The following ADGRG7 variants were observed in gnomAD, a reference collection of about 807,000 sequenced individuals.
ADGRG7 encodes the protein G-protein coupled receptor 128.
Under a neutral mutation model 88.6 loss-of-function variants are expected in ADGRG7, and 82 were observed. The observed-to-expected ratio is 0.93, with a 90% CI of 0.77 to 1.11. The LOEUF is 1.11. Ranked by LOEUF, ADGRG7 falls within the 50% of genes most tolerant of loss-of-function variation. The pLI is 0.00. For synonymous variants in ADGRG7, 381 were observed against 345.2 expected, an observed-to-expected ratio of 1.10 and a Z score of -1.15; for missense variants, 945 against 953.4, an observed-to-expected ratio of 0.99 and a Z score of 0.12.
At position 100,657,951 on chromosome 3, in the gene ADGRG7, G is replaced by A. The variant is rs112058326; in HGVS notation, c.1824-1737G>A. ...ATCCTTTCACGTGTATAATAATGGTGTTTTACAAAACTCCAGGGGAAAGAA... is the reference window on the plus strand; with the variant it reads ...ATCCTTTCACGTGTATAATAATGGTATTTTACAAAACTCCAGGGGAAAGAA... On this transcript the variant is annotated intron_variant, in intron 13 of 15. Transcript: ENST00000273352. Among the ~76,000 whole-genome samples, 1,308 of 152,262 alleles carry A rather than the reference G, an allele frequency of 8.6e-3. 14 individuals are homozygous for A. Among genetic ancestry groups the A allele is most frequent in the African/African-American group, 0.019 (779 of 41,536 alleles).
rs372820424 is a variant in ADGRG7, at chr3:100,646,612, A to G, written c.1154A>G (p.Tyr385Cys). Residue 385 changes from tyrosine (Y) to cysteine (C), a missense_variant, in exon 10 of 16, where the codon TAT becomes TGT. Coordinates refer to ENST00000273352, the MANE Select transcript of ADGRG7 (RefSeq NM_032787.3). ...EFQLYSYACV[Y>C]WNLSAKDWDT... Reference sequence around the variant, plus strand: ...CAACTCTATTCCTATGCCTGTGTCTATTGGAATTTGTCAGCGAAGGACTGG... The same window carrying G: ...CAACTCTATTCCTATGCCTGTGTCTGTTGGAATTTGTCAGCGAAGGACTGG... 23 of 1,613,944 alleles carry G rather than the reference A, an allele frequency of 1.4e-5. No individual in the cohort carries two copies. Among genetic ancestry groups the G allele is most frequent in the Non-Finnish European group, 1.9e-5 (23 of 1,179,934 alleles).
In ADGRG7 at chr3:100,646,598, C is replaced by T. The variant is rs1396511585; in HGVS notation, c.1140C>T (p.Ser380=). 25 of 1,613,730 alleles carry T rather than the reference C, an allele frequency of 1.5e-5. No individual in the cohort carries two copies. Among genetic ancestry groups the T allele is most frequent in the Non-Finnish European group, 2.1e-5 (25 of 1,179,806 alleles). Reference sequence around the variant, plus strand: ...ACCAAAAAGAATTTCAACTCTATTCCTATGCCTGTGTCTATTGGAATTTGT... The same window carrying T: ...ACCAAAAAGAATTTCAACTCTATTCTTATGCCTGTGTCTATTGGAATTTGT... ...KYNQKEFQLY[S]YACVYWNLSA... is the part of the protein sequence containing the mutation. The change falls in exon 10 of 16, where the codon TCC becomes TCT. Residue 380 remains serine (S), a synonymous_variant. Transcript: ENST00000273352.
chr3:100,630,630 G>T, intron 2 of ADGRG7, 75 bp from the exon 3 acceptor site: 2 of 619,706 alleles, frequency 3.2e-6, no homozygotes, highest in South Asian at 1.2e-4. Flanking sequence ...CATAGGTTCT[G>T]ACCTTTGACT....
chr3:100,644,885 G>A lies in ADGRG7; in HGVS notation c.947-1060G>A, dbSNP rs1224764773. Among the ~76,000 whole-genome samples, 8 of 152,040 alleles carry A rather than the reference G, an allele frequency of 5.3e-5. No individual in the cohort carries two copies. The East Asian group carries it at 1.5e-3, about 29-fold the overall frequency. On this transcript the variant is annotated intron_variant, in intron 8 of 15. Coordinates refer to ENST00000273352, the MANE Select transcript of ADGRG7 (RefSeq NM_032787.3). Reference sequence around the variant, plus strand: ...AAAGAAACCTTGCTCCATTATTAGGGTTAACTTTTCATTTAGGGTCCAGGA... The same window carrying A: ...AAAGAAACCTTGCTCCATTATTAGGATTAACTTTTCATTTAGGGTCCAGGA...
chr3:100,644,398 GTC>G, intron 8 of ADGRG7, among the ~76,000 whole-genome samples: 1 of 152,282 alleles, frequency 6.6e-6, no homozygotes, highest in South Asian at 2.1e-4. Flanking sequence ...CTAGATCTAA[GTC>G]TTCTATCTTC....
Position 100,630,714 on chromosome 3 carries a change from G to T in ADGRG7, c.239G>T (p.Cys80Phe), listed in dbSNP as rs748723869. The T allele has an allele frequency of 5.0e-6, 7 of 1,393,286 alleles. No individual in the cohort carries two copies. The Admixed American group carries it at 1.4e-4, about 28-fold the overall frequency. The allele number at this position is 1,393,286 out of a possible 1,614,324, so 86.3% of individuals were successfully genotyped here. A position where few individuals can be genotyped will look rare whatever the true frequency, so the allele number is the denominator to read the frequency against. Residue 80 changes from cysteine (C) to phenylalanine (F), a missense_variant, in exon 3 of 16, where the codon TGT becomes TTT. Cys to Phe is a radical substitution (Grantham distance 205). Coordinates refer to ENST00000273352, the MANE Select transcript of ADGRG7 (RefSeq NM_032787.3). ...KGLRCTIANF[C>F]ENSTYMGFTF... ...TTTCTCTTTATTACAGCTAATTTTT[G>T]TGAAAATAGTACCTATATGGGTTTT...
intron 4 of ADGRG7, 177 bp from the exon 5 acceptor site, chr3:100,635,500 G>T (rs1208803094): frequency 1.5e-6 from 2 of 1,373,662 alleles, no homozygotes; most frequent in Admixed American, 6.1e-5. Context: ...AAAACCACTG[G>T]TCTGCATGTA....
intron 11 of ADGRG7, among the ~76,000 whole-genome samples, chr3:100,653,861 G>C (rs2094933534): frequency 6.6e-6 from 1 of 152,086 alleles, no homozygotes; most frequent in East Asian, 1.9e-4. Flanking sequence ...AGCACAAAAG[G>C]AAAAGCTGTC....
chr3:100,662,717 GA>G (rs978615807), intron 14 of ADGRG7, among the ~76,000 whole-genome samples: 7 of 151,802 alleles, frequency 4.6e-5, no homozygotes, highest in Non-Finnish European at 8.8e-5. Context: ...AGGGTCCCAG[GA>G]AAAAAGTTGC....
chr3:100,646,341 T>A (rs946129623), intron 9 of ADGRG7: 1 of 601,538 alleles, frequency 1.7e-6, no homozygotes, highest in Non-Finnish European at 2.9e-6. Context: ...CTTTGATGTA[T>A]CCATTTGAAT....
intron 14 of ADGRG7, among the ~76,000 whole-genome samples, chr3:100,660,225 A>G (rs902251222): frequency 1.3e-5 from 2 of 152,228 alleles, no homozygotes; most frequent in African/African-American, 4.8e-5. Context: ...CATTTTATTA[A>G]TACAGTCCAG....
At chr3:100,682,325 G>C (rs2094974575) in intron 15 of ADGRG7, among the ~76,000 whole-genome samples, 1 of 152,204 alleles carries the variant, frequency 6.6e-6, no homozygotes, top group African/African-American at 2.4e-5. Flanking sequence ...TGGAACGTGG[G>C]AGCCAGGCCC....
At chr3:100,690,595 C>T (rs980789498) in intron 15 of ADGRG7, among the ~76,000 whole-genome samples, 1 of 152,090 alleles carries the variant, frequency 6.6e-6, no homozygotes, top group Admixed American at 6.6e-5. Context: ...CAGTCAGGAC[C>T]CTCAGCTGCA....
intron 8 of ADGRG7, 59 bp downstream of exon 8, chr3:100,643,692 C>A: frequency 9.0e-7 from 1 of 1,105,750 alleles, no homozygotes; most frequent in Non-Finnish European, 1.4e-6. Context: ...GAACTAATAA[C>A]TTCTAATTTA....
At chr3:100,666,490 A>C (rs1272465272) in intron 14 of ADGRG7, among the ~76,000 whole-genome samples, 1 of 152,256 alleles carries the variant, frequency 6.6e-6, no homozygotes, top group East Asian at 1.9e-4. Context: ...ATGCTTTACG[A>C]AGCAGTATTG....
chr3:100,635,541 C>T lies in ADGRG7; in HGVS notation c.448-136C>T, dbSNP rs186470835. ...TCCTTTACACAAGGAAGGATGCAAA[C>T]GTGGAAAACTGAGTGGACATGGTGT... is the stretch of plus-strand genomic sequence containing the variant. On this transcript the variant is annotated intron_variant, in intron 4 of 15. Coordinates refer to ENST00000273352, the MANE Select transcript of ADGRG7 (RefSeq NM_032787.3). 2.9e-4 allele frequency: 421 copies of T among 1,464,732 alleles called. 1 individual carries two copies. The African/African-American group carries it at 4.9e-3, about 17-fold the overall frequency. The allele number at this position is 1,464,732 out of a possible 1,614,324, so 90.7% of individuals were successfully genotyped here. A position where few individuals can be genotyped will look rare whatever the true frequency, so the allele number is the denominator to read the frequency against.
intron 11 of ADGRG7, among the ~76,000 whole-genome samples, chr3:100,650,574 G>A (rs2094927677): frequency 6.6e-6 from 1 of 152,160 alleles, no homozygotes; most frequent in Non-Finnish European, 1.5e-5. Context: ...AGAGATGCAG[G>A]TTAATTATTT....
chr3:100,671,661 T>G (rs1435227016), intron 15 of ADGRG7, among the ~76,000 whole-genome samples: 1 of 152,186 alleles, frequency 6.6e-6, no homozygotes, highest in Non-Finnish European at 1.5e-5. Flanking sequence ...ATTGCCTAGG[T>G]TTTCTTCTAG....
At chr3:100,624,198 A>G (rs1707351006) in intron 1 of ADGRG7, among the ~76,000 whole-genome samples, 1 of 152,126 alleles carries the variant, frequency 6.6e-6, no homozygotes, top group Non-Finnish European at 1.5e-5. Flanking sequence ...TTGCCAGCAT[A>G]TATTGTTTCT....
Sources: gnomAD v4.1 joint callset for allele counts (sites outside exome capture counted in the v4.1 genomes callset) on GRCh38, gnomAD v4.1.1 for gene constraint, MANE v1.5 for transcripts, NCBI Gene and HGNC (gene_info 2026-07-23, HGNC 2026-07-21) for gene names.